RERG: variants seen among roughly 807,000 people sequenced by gnomAD.
RERG encodes the protein ras-related and estrogen-regulated growth inhibitor.
A neutral mutation model predicts 23.2 loss-of-function variants in RERG; 25 were observed. That is an observed-to-expected ratio of 1.08 (90% CI 0.79 to 1.50). RERG has a LOEUF of 1.50. RERG is among the 40% of genes most tolerant of loss of function. The probability of loss-of-function intolerance (pLI) is 0.00; values close to 1 mark genes in which losing one functional copy is unlikely to be tolerated. For synonymous variants in RERG, 81 were observed against 89.1 expected, an observed-to-expected ratio of 0.91 and a Z score of 0.51; for missense variants, 253 against 250.1, an observed-to-expected ratio of 1.01 and a Z score of -0.08.
intron 2 of RERG, among the ~76,000 whole-genome samples, chr12:15,176,271 T>A (rs758865418): frequency 3.3e-5 from 5 of 152,196 alleles, no homozygotes; most frequent in Non-Finnish European, 5.9e-5. Context: ...ATATTGTAGT[T>A]CAAAATTCAA....
intron 2 of RERG, among the ~76,000 whole-genome samples, chr12:15,202,478 A>T (rs941811970): frequency 6.6e-6 from 1 of 151,720 alleles, no homozygotes; most frequent in African/African-American, 2.4e-5. Context: ...CTTGCCAATC[A>T]CCATTCTATT....
chr12:15,166,503 G>T (rs535384283), intron 2 of RERG, among the ~76,000 whole-genome samples: 408 of 134,194 alleles, frequency 3.0e-3, no homozygotes, highest in East Asian at 4.4e-3. Flanking sequence ...ATGATGATGG[G>T]GATGGTGGTG....
chr12:15,165,864 T>A (rs1217087784), intron 2 of RERG, among the ~76,000 whole-genome samples: 1 of 152,176 alleles, frequency 6.6e-6, no homozygotes, highest in Non-Finnish European at 1.5e-5. Context: ...TCTCCAACTC[T>A]CCCTGTCAAC....
At chr12:15,148,502 T>C (rs1280962259) in intron 2 of RERG, among the ~76,000 whole-genome samples, 1 of 152,200 alleles carries the variant, frequency 6.6e-6, no homozygotes, top group Non-Finnish European at 1.5e-5. Context: ...GAGATGAGTG[T>C]TGCAAGAATC....
At chr12:15,205,467 T>G (rs566163621) in intron 2 of RERG, among the ~76,000 whole-genome samples, 1 of 152,028 alleles carries the variant, frequency 6.6e-6, no homozygotes, top group Non-Finnish European at 1.5e-5. Context: ...ACGAAATATT[T>G]GAATGGAAAA....
intron 2 of RERG, among the ~76,000 whole-genome samples, chr12:15,148,804 T>TG (rs1208190785): frequency 6.6e-6 from 1 of 150,484 alleles, no homozygotes. Flanking sequence ...ATCAATCATT[T>TG]GGGCAATAGT....
At chr12:15,204,398 T>C (rs967844838) in intron 2 of RERG, among the ~76,000 whole-genome samples, 9 of 151,672 alleles carry the variant, frequency 5.9e-5, no homozygotes, top group Admixed American at 1.3e-4. Flanking sequence ...TGGACCTCTA[T>C]CTTATACCAT....
chr12:15,201,041 A>G (rs761011408), intron 2 of RERG, among the ~76,000 whole-genome samples: 11 of 151,866 alleles, frequency 7.2e-5, no homozygotes, highest in Non-Finnish European at 1.2e-4. Context: ...TGGAACAAAA[A>G]TATTATTTTT....
chr12:15,172,410 C>T (rs2136122690), intron 2 of RERG, among the ~76,000 whole-genome samples: 1 of 152,112 alleles, frequency 6.6e-6, no homozygotes, highest in Non-Finnish European at 1.5e-5. Context: ...TTATTTTGGG[C>T]TATTATGAAT....
chr12:15,196,600 T>A (rs899131317), intron 2 of RERG, among the ~76,000 whole-genome samples: 1 of 152,072 alleles, frequency 6.6e-6, no homozygotes, highest in African/African-American at 2.4e-5. Flanking sequence ...CTCAAACACA[T>A]GAATGAGAGA....
chr12:15,191,466 C>T (rs1349695634), intron 2 of RERG, among the ~76,000 whole-genome samples: 1 of 151,998 alleles, frequency 6.6e-6, no homozygotes, highest in African/African-American at 2.4e-5. Flanking sequence ...AATTTTTTTT[C>T]AAATTGTAAA....
At chr12:15,173,030 T>C (rs1266788621) in intron 2 of RERG, among the ~76,000 whole-genome samples, 2 of 152,092 alleles carry the variant, frequency 1.3e-5, no homozygotes, top group African/African-American at 4.8e-5. Flanking sequence ...ATGCTTTTTG[T>C]GTTATATCTA....
chr12:15,187,492 G>T (rs543423293), intron 2 of RERG, among the ~76,000 whole-genome samples: 1 of 152,058 alleles, frequency 6.6e-6, no homozygotes, highest in South Asian at 2.1e-4. Flanking sequence ...ATGAATTAAG[G>T]CCAAACATAT....
chr12:15,144,325 C>G (rs900796030), intron 2 of RERG, among the ~76,000 whole-genome samples: 1 of 152,080 alleles, frequency 6.6e-6, no homozygotes, highest in East Asian at 1.9e-4. Context: ...GAAAGAGATA[C>G]AAATTTGCAA....
At chr12:15,139,014 C>CTAT (rs1555122694) in intron 2 of RERG, among the ~76,000 whole-genome samples, 1 of 51,126 alleles carries the variant, frequency 2.0e-5, no homozygotes, top group African/African-American at 7.2e-5. Flanking sequence ...TGTGTCTAGA[C>CTAT]TTTTTTTTTT....
intron 2 of RERG, among the ~76,000 whole-genome samples, chr12:15,163,778 G>A (rs1176333255): frequency 6.6e-6 from 1 of 152,192 alleles, no homozygotes; most frequent in Non-Finnish European, 1.5e-5. Flanking sequence ...GCTGGAGTCA[G>A]TGAAGACTGC....
intron 2 of RERG, among the ~76,000 whole-genome samples, chr12:15,161,577 T>C (rs1048728778): frequency 1.3e-5 from 2 of 152,202 alleles, no homozygotes; most frequent in Non-Finnish European, 2.9e-5. Context: ...TGGAAGCACA[T>C]GCATTTTAGA....
chr12:15,179,604 A>C (rs545630317), intron 2 of RERG, among the ~76,000 whole-genome samples: 19 of 152,338 alleles, frequency 1.2e-4, no homozygotes, highest in East Asian at 5.8e-4. Context: ...TCTTTCCCCC[A>C]AAAATTGTTA....
chr12:15,157,877 T>C (rs1864546070), intron 2 of RERG, among the ~76,000 whole-genome samples: 1 of 152,150 alleles, frequency 6.6e-6, no homozygotes, highest in African/African-American at 2.4e-5. Context: ...ATCCACAAAC[T>C]GTTTACATTT....
Sources: allele counts gnomAD v4.1 joint callset (sites outside exome capture counted in the v4.1 genomes callset), GRCh38; gene constraint gnomAD v4.1.1; transcripts MANE v1.5; gene names NCBI Gene and HGNC (gene_info 2026-07-23, HGNC 2026-07-21).